The following ADCY3 variants were observed in gnomAD, a reference collection of about 807,000 sequenced individuals.
ADCY3 encodes the protein adenylate cyclase 3.
A neutral mutation model predicts 119.4 loss-of-function variants in ADCY3; 70 were observed. The observed-to-expected ratio is 0.59, with a 90% CI of 0.48 to 0.72. The LOEUF (loss-of-function observed/expected upper bound fraction) is 0.72, where lower values mean the gene tolerates loss of function less well. ADCY3 is among the 30% of genes least tolerant of loss of function. The pLI, the probability that ADCY3 is intolerant of heterozygous loss-of-function variation, is 0.00. For missense variants in ADCY3, 1,238 were observed against 1,541.6 expected (o/e 0.80, Z 3.30); for synonymous variants, 672 against 621.4 (o/e 1.08, Z -1.21).
intron 2 of ADCY3, among the ~76,000 whole-genome samples, chr2:24,911,103 A>G (rs916169071): frequency 6.6e-6 from 1 of 151,852 alleles, no homozygotes; most frequent in African/African-American, 2.4e-5. Context: ...AGATGCCCCC[A>G]AAAACACCTC....
intron 18 of ADCY3, 99 bp from the exon 19 acceptor site, chr2:24,822,729 C>T (rs1572777064): frequency 2.0e-5 from 29 of 1,471,242 alleles, no homozygotes; most frequent in African/African-American, 4.2e-5. Flanking sequence ...CCACTAAACC[C>T]AAGAGACACT....
intron 2 of ADCY3, among the ~76,000 whole-genome samples, chr2:24,892,721 T>C (rs1281260084): frequency 6.6e-5 from 10 of 152,272 alleles, no homozygotes; most frequent in Non-Finnish European, 1.2e-4. Flanking sequence ...TGTCTTTTGA[T>C]GAATTGATTC....
chr2:24,889,768 G>A (rs146455579), intron 2 of ADCY3, among the ~76,000 whole-genome samples: 29 of 152,304 alleles, frequency 1.9e-4, no homozygotes, highest in African/African-American at 5.3e-4. Flanking sequence ...CCCGGGAGGC[G>A]GAGGTTGCAG....
chr2:24,853,005 G>GGTGTGTGTGTGT (rs58904311), intron 3 of ADCY3, among the ~76,000 whole-genome samples: 4 of 95,316 alleles, frequency 4.2e-5, no homozygotes, highest in Admixed American at 9.5e-5. Flanking sequence ...ACAGCTGGAG[G>GGTGTGTGTGTGT]GTGTGTGTGT....
At chr2:24,897,627 T>C (rs773284303) in intron 2 of ADCY3, among the ~76,000 whole-genome samples, 12 of 152,194 alleles carry the variant, frequency 7.9e-5, no homozygotes, top group Non-Finnish European at 1.6e-4. Context: ...GGCTGTTCTC[T>C]TCCTCCACCT....
chr2:24,820,223 C>G, intron 21 of ADCY3, 109 bp from the exon 22 acceptor site: 1 of 1,198,568 alleles, frequency 8.3e-7, no homozygotes, highest in Non-Finnish European at 1.1e-6. Flanking sequence ...GGGTCCCAAG[C>G]AGTACGGGAC....
intron 3 of ADCY3, among the ~76,000 whole-genome samples, chr2:24,847,087 C>A (rs1009822019): frequency 6.6e-6 from 1 of 152,128 alleles, no homozygotes. Context: ...ACCCAAATCT[C>A]AACTTGAATT....
At chr2:24,884,229 A>G (rs1676740459) in intron 2 of ADCY3, among the ~76,000 whole-genome samples, 1 of 152,048 alleles carries the variant, frequency 6.6e-6, no homozygotes, top group South Asian at 2.1e-4. Flanking sequence ...GCTGGTTAAA[A>G]TGGGAGATTC....
At chr2:24,916,619 T>A (rs1417419775) in intron 2 of ADCY3, among the ~76,000 whole-genome samples, 5 of 149,728 alleles carry the variant, frequency 3.3e-5, no homozygotes, top group African/African-American at 1.2e-4. Flanking sequence ...GAGGCGGAGG[T>A]TGCAGTGAGC....
At chr2:24,889,932 G>C (rs1573001649) in intron 2 of ADCY3, among the ~76,000 whole-genome samples, 1 of 152,228 alleles carries the variant, frequency 6.6e-6, no homozygotes, top group African/African-American at 2.4e-5. Context: ...AGAACATTCA[G>C]ACTTTCTCTA....
At chr2:24,821,030 G>A (rs980227606) in intron 20 of ADCY3, 182 bp from the exon 21 acceptor site, 31 of 858,694 alleles carry the variant, frequency 3.6e-5, no homozygotes, top group Non-Finnish European at 4.4e-5. Flanking sequence ...CCGTGTGCTT[G>A]TTAGGTGTCA....
At chr2:24,840,176 G>A (rs1670830804) in intron 6 of ADCY3, 145 bp from the exon 7 acceptor site, 1 of 1,170,252 alleles carries the variant, frequency 8.5e-7, no homozygotes, top group Non-Finnish European at 1.2e-6. Context: ...TTGGTGTTGG[G>A]TGGGGGGTAA....
At chr2:24,888,236 G>T (rs1313237708) in intron 2 of ADCY3, among the ~76,000 whole-genome samples, 3 of 152,240 alleles carry the variant, frequency 2.0e-5, no homozygotes, top group Non-Finnish European at 4.4e-5. Flanking sequence ...TGCCTGTCCA[G>T]CCTCTGAGGT....
rs1678661473 is a variant in ADCY3, at chr2:24,899,428, CCACCT to C, written c.675+18880_675+18884del. ...GGCTGGAATGCTGCTGTCACCCCAGCCACCTCTGCCACCAGCCTGCCAGGCAAAAC... is the reference window on the plus strand; with the variant it reads ...GGCTGGAATGCTGCTGTCACCCCAGCCTGCCACCAGCCTGCCAGGCAAAAC... On this transcript the variant is annotated intron_variant, in intron 2 of 21. Transcript: ENST00000679454. The surrounding 1 kb of genome is among the most constrained non-coding windows in gnomAD (Gnocchi z 4.5). 1.3e-5 allele frequency among the ~76,000 whole-genome samples: 2 copies of C among 152,264 alleles called. No homozygotes were observed. The highest frequency in any genetic ancestry group is 2.9e-5 in the Non-Finnish European group (2 of 68,056).
rs572462988 is a variant in ADCY3 at position 24,841,212 on chromosome 2, C to T, written c.1196+47G>A. 76 of 1,524,352 alleles carry T rather than the reference C, an allele frequency of 5.0e-5. No homozygotes were observed. The highest frequency in any genetic ancestry group is 1.2e-4 in the Admixed American group (6 of 49,524). 94.4% of individuals were successfully genotyped at this position (1,524,352 alleles called of 1,614,324 possible). On this transcript the variant is annotated intron_variant, in intron 6 of 21. Transcript: ENST00000679454. This position sits in a 1 kb window ranked among gnomAD's most constrained non-coding sequence, Gnocchi z 5.8. ...ACCTGCTTCTCCCTGGGTCCAGGGC[C>T]GGGGCCCTTGCTCTGGGAGCCTCCC...
At position 24,918,723 on chromosome 2, in the gene ADCY3, C is replaced by CA; in HGVS notation, c.264dup (p.Asp89Ter). On this transcript the variant is annotated frameshift_variant, in exon 2 of 22. Coordinates refer to ENST00000679454, the MANE Select transcript of ADCY3 (RefSeq NM_004036.5). LOFTEE classifies it high-confidence loss of function. This position sits in a 1 kb window ranked among gnomAD's most constrained non-coding sequence, Gnocchi z 5.4. ...GCACACATGACCACCACGTAGCAGT[C>CA]AAAGAGGGCTGCAAAGACCACCAGC... is the stretch of plus-strand genomic sequence containing the variant. 1 of 1,614,084 alleles carries CA rather than the reference C, an allele frequency of 6.2e-7. No individual in the cohort carries two copies. Among genetic ancestry groups the CA allele is most frequent in the Admixed American group, 1.7e-5 (1 of 60,028 alleles).
intron 3 of ADCY3, among the ~76,000 whole-genome samples, chr2:24,848,512 G>A (rs999454803): frequency 5.3e-5 from 8 of 152,330 alleles, no homozygotes; most frequent in East Asian, 3.9e-4. Context: ...TTCTGTGTGC[G>A]TGTCTTTAAT....
chr2:24,896,102 C>T (rs998512035), intron 2 of ADCY3, among the ~76,000 whole-genome samples: 15 of 152,104 alleles, frequency 9.9e-5, no homozygotes, highest in African/African-American at 3.1e-4. Context: ...AAGTTATATT[C>T]GGGCTGTGCA....
chr2:24,873,461 T>C (rs1675274823), intron 2 of ADCY3, among the ~76,000 whole-genome samples: 1 of 152,184 alleles, frequency 6.6e-6, no homozygotes, highest in African/African-American at 2.4e-5. Flanking sequence ...AAAGGGCTTC[T>C]GGGGCATCAA....
Sources: allele counts gnomAD v4.1 joint callset (sites outside exome capture counted in the v4.1 genomes callset), GRCh38; gene constraint gnomAD v4.1.1; non-coding constraint Gnocchi (gnomAD v3.1); transcripts MANE v1.5; gene names NCBI Gene and HGNC (gene_info 2026-07-23, HGNC 2026-07-21).